The following SCAPER variants were observed in gnomAD, a reference collection of about 807,000 sequenced individuals.
SCAPER encodes the protein S phase cyclin A-associated protein in the endoplasmic reticulum.
A neutral mutation model predicts 182.2 loss-of-function variants in SCAPER; 98 were observed. The observed-to-expected ratio is 0.54, with a 90% CI of 0.46 to 0.64. The LOEUF is 0.64. SCAPER is among the 30% of genes least tolerant of loss of function. SCAPER has a pLI of 0.00. For synonymous variants in SCAPER, 605 were observed against 564.6 expected (o/e 1.07, Z -1.01); for missense variants, 1,432 against 1,690.0 (o/e 0.85, Z 2.68).
At chr15:76,583,196 A>T (rs1342260085) in intron 22 of SCAPER, among the ~76,000 whole-genome samples, 2 of 151,988 alleles carry the variant, frequency 1.3e-5, no homozygotes, top group Non-Finnish European at 2.9e-5. Context: ...ACTAAAAATT[A>T]AAAAATTAGC....
chr15:76,488,162 A>C (rs2051845254), intron 24 of SCAPER, among the ~76,000 whole-genome samples: 1 of 152,142 alleles, frequency 6.6e-6, no homozygotes, highest in African/African-American at 2.4e-5. Context: ...GCCCAAGATA[A>C]AATACCTTCT....
chr15:76,726,464 A>C (rs1222814294), intron 17 of SCAPER, among the ~76,000 whole-genome samples: 3 of 151,894 alleles, frequency 2.0e-5, no homozygotes, highest in Non-Finnish European at 4.4e-5. Context: ...CTTCAAAAAA[A>C]AACCAATAAA....
At chr15:76,700,410 G>A (rs1217702346) in intron 20 of SCAPER, among the ~76,000 whole-genome samples, 1 of 152,186 alleles carries the variant, frequency 6.6e-6, no homozygotes. Flanking sequence ...CTGCAGCTAG[G>A]ATTCCAGAGG....
At chr15:76,819,697 C>G (rs1267250900) in intron 5 of SCAPER, among the ~76,000 whole-genome samples, 1 of 152,172 alleles carries the variant, frequency 6.6e-6, no homozygotes, top group Non-Finnish European at 1.5e-5. Context: ...TCCAAAGGAA[C>G]GCAGCTCCTC....
chr15:76,665,633 T>A lies in SCAPER; in HGVS notation c.2645+20A>T. 1 of 1,567,238 alleles carries A rather than the reference T, an allele frequency of 6.4e-7. No individual in the cohort carries two copies. Among genetic ancestry groups the A allele is most frequent in the Non-Finnish European group, 8.6e-7 (1 of 1,164,158 alleles). On this transcript the variant is annotated intron_variant, in intron 21 of 31. Coordinates refer to ENST00000563290, the MANE Select transcript of SCAPER (RefSeq NM_020843.4). ...CATCACTAAAAGTTTTTCTTTTGCT[T>A]TTAAGGGTATTTAAGGTACCTGAAG...
chr15:76,424,793 A>G (rs1341679576), intron 26 of SCAPER, among the ~76,000 whole-genome samples: 1 of 150,938 alleles, frequency 6.6e-6, no homozygotes, highest in Admixed American at 6.6e-5. Context: ...TCCTTCAGGA[A>G]CTCTTGTAGG....
intron 20 of SCAPER, among the ~76,000 whole-genome samples, chr15:76,694,981 A>G (rs954306854): frequency 1.3e-5 from 2 of 152,150 alleles, no homozygotes; most frequent in African/African-American, 4.8e-5. Context: ...ACACAAATTA[A>G]TAACGATTTA....
Position 76,430,640 on chromosome 15 carries a change from C to T in SCAPER, c.3311+3438G>A, listed in dbSNP as rs545352259. Among the ~76,000 whole-genome samples the T allele has an allele frequency of 2.0e-5, 3 of 152,304 alleles. No homozygotes were observed. The South Asian group carries it at 6.2e-4, about 32-fold the overall frequency. Reference sequence around the variant, plus strand: ...CCCCTATTTGGAATGGGTATATTTGCCCAATGCCTGTACCTCCATTGCATC... The same window carrying T: ...CCCCTATTTGGAATGGGTATATTTGTCCAATGCCTGTACCTCCATTGCATC... On this transcript the variant is annotated intron_variant, in intron 26 of 31. Transcript: ENST00000563290.
intron 7 of SCAPER, among the ~76,000 whole-genome samples, chr15:76,796,012 G>A (rs984734343): frequency 6.6e-6 from 1 of 152,146 alleles, no homozygotes; most frequent in African/African-American, 2.4e-5. Flanking sequence ...AGTGAGCCAA[G>A]ACTGCACGAC....
chr15:76,761,636 C>T (rs1390576798), intron 14 of SCAPER, among the ~76,000 whole-genome samples: 2 of 152,082 alleles, frequency 1.3e-5, no homozygotes, highest in African/African-American at 2.4e-5. Flanking sequence ...CATTCCACTG[C>T]GGTCTAAAAG....
At chr15:76,681,925 G>A (rs996760256) in intron 20 of SCAPER, among the ~76,000 whole-genome samples, 1 of 152,148 alleles carries the variant, frequency 6.6e-6, no homozygotes, top group Non-Finnish European at 1.5e-5. Flanking sequence ...GCCTTAGAGT[G>A]ATTGTCAGAC....
intron 2 of SCAPER, 84 bp downstream of exon 2, chr15:76,883,728 C>T (rs2073699746): frequency 3.6e-6 from 4 of 1,120,788 alleles, no homozygotes; most frequent in Non-Finnish European, 5.1e-6. Flanking sequence ...TTGAATGAAA[C>T]AACTATTACA....
At chr15:76,415,844 G>A (rs555040810) in intron 26 of SCAPER, among the ~76,000 whole-genome samples, 4 of 152,170 alleles carry the variant, frequency 2.6e-5, no homozygotes, top group East Asian at 1.9e-4. Flanking sequence ...TTAACAACAG[G>A]GAAAAGGTCT....
chr15:76,499,472 A>G (rs1345178882), intron 24 of SCAPER, among the ~76,000 whole-genome samples: 2 of 152,222 alleles, frequency 1.3e-5, no homozygotes, highest in Non-Finnish European at 2.9e-5. Flanking sequence ...TTGATGCGGT[A>G]TGCCCTTTTA....
intron 25 of SCAPER, among the ~76,000 whole-genome samples, chr15:76,438,707 C>A (rs2047364128): frequency 6.6e-6 from 1 of 152,224 alleles, no homozygotes; most frequent in Non-Finnish European, 1.5e-5. Flanking sequence ...AAGGCCTTTA[C>A]TCTACTGAAC....
intron 27 of SCAPER, among the ~76,000 whole-genome samples, chr15:76,394,524 G>T (rs2142046840): frequency 6.6e-6 from 1 of 152,256 alleles, no homozygotes; most frequent in South Asian, 2.1e-4. Context: ...CTATGGGAGG[G>T]TTTTTCAAAA....
chr15:76,698,547 T>C (rs927039191), intron 20 of SCAPER, among the ~76,000 whole-genome samples: 28 of 152,160 alleles, frequency 1.8e-4, no homozygotes, highest in Admixed American at 1.8e-3. Context: ...CACATAAAAT[T>C]AGCTGTACAT....
chr15:76,631,760 G>A (rs1004499661), intron 21 of SCAPER, among the ~76,000 whole-genome samples: 9 of 152,090 alleles, frequency 5.9e-5, no homozygotes, highest in African/African-American at 1.7e-4. Context: ...AAGATTATAC[G>A]TCTTGGGGTT....
At position 76,509,819 on chromosome 15, in the gene SCAPER, A is replaced by AACTAT. The variant is rs944320482; in HGVS notation, c.2839-4850_2839-4846dup. ...GGAGGCATCACATTACCTGATTTCA[A>AACTAT]ACTATACTATAAGGCCACAGTCACC... is the stretch of plus-strand genomic sequence containing the variant. On this transcript the variant is annotated intron_variant, in intron 23 of 31. Coordinates refer to ENST00000563290, the MANE Select transcript of SCAPER (RefSeq NM_020843.4). 3.0e-4 allele frequency among the ~76,000 whole-genome samples: 46 copies of AACTAT among 152,212 alleles called. 1 individual carries two copies. Among genetic ancestry groups the AACTAT allele is most frequent in the African/African-American group, 1.1e-3 (46 of 41,458 alleles).
Sources: gnomAD v4.1 joint callset for allele counts (sites outside exome capture counted in the v4.1 genomes callset) on GRCh38, gnomAD v4.1.1 for gene constraint, MANE v1.5 for transcripts, NCBI Gene and HGNC (gene_info 2026-07-23, HGNC 2026-07-21) for gene names.